PAK5: variants seen among roughly 807,000 people sequenced by gnomAD.
The protein encoded by PAK5 is p21 (RAC1) activated kinase 5.
PAK5 carries 16 observed loss-of-function variants against 65.9 expected under a neutral mutation model. The observed-to-expected ratio is 0.24, with a 90% CI of 0.16 to 0.37. The LOEUF is 0.37. Ranked by LOEUF, PAK5 falls within the 10% of genes least tolerant of loss-of-function variation. PAK5 has a pLI of 1.00. For missense variants in PAK5, 785 were observed against 903.9 expected, an observed-to-expected ratio of 0.87 and a Z score of 1.69; for synonymous variants, 371 against 354.9, an observed-to-expected ratio of 1.05 and a Z score of -0.51.
intron 2 of PAK5, among the ~76,000 whole-genome samples, chr20:9,678,096 T>C (rs1462478757): frequency 6.6e-6 from 1 of 152,242 alleles, no homozygotes; most frequent in Non-Finnish European, 1.5e-5. Flanking sequence ...CTTCTCTATG[T>C]TTCTGCTCTA....
chr20:9,721,385 C>T (rs1030967163), intron 1 of PAK5, among the ~76,000 whole-genome samples: 1 of 152,006 alleles, frequency 6.6e-6, no homozygotes, highest in Admixed American at 6.6e-5. Context: ...TGGTGGCTCA[C>T]GCCTGTAATT....
intron 7 of PAK5, among the ~76,000 whole-genome samples, chr20:9,554,839 C>G (rs1033940728): frequency 6.6e-6 from 1 of 152,134 alleles, no homozygotes; most frequent in African/African-American, 2.4e-5. Flanking sequence ...ACAAGATCCA[C>G]TCAATATGCT....
intron 3 of PAK5, among the ~76,000 whole-genome samples, chr20:9,592,161 G>A (rs1250056044): frequency 6.6e-6 from 1 of 152,170 alleles, no homozygotes; most frequent in Non-Finnish European, 1.5e-5. Context: ...AAGATGGAGA[G>A]AATAGACTCT....
At chr20:9,652,575 T>A (rs976303438) in intron 2 of PAK5, among the ~76,000 whole-genome samples, 1 of 152,226 alleles carries the variant, frequency 6.6e-6, no homozygotes, top group African/African-American at 2.4e-5. Flanking sequence ...CAGGAGAAAC[T>A]GTATCAAAGC....
intron 3 of PAK5, among the ~76,000 whole-genome samples, chr20:9,633,356 A>G (rs1036377025): frequency 6.6e-6 from 1 of 152,152 alleles, no homozygotes; most frequent in Non-Finnish European, 1.5e-5. Context: ...TTTTTGAGAC[A>G]GGGTGTCACT....
At chr20:9,799,851 G>A (rs2049147402) in intron 1 of PAK5, among the ~76,000 whole-genome samples, 2 of 146,630 alleles carry the variant, frequency 1.4e-5, no homozygotes, top group African/African-American at 5.0e-5. Flanking sequence ...TGAGGTGGGA[G>A]GATTGCTTGA....
intron 1 of PAK5, among the ~76,000 whole-genome samples, chr20:9,725,666 C>A (rs1414714698): frequency 6.6e-6 from 1 of 152,010 alleles, no homozygotes; most frequent in East Asian, 1.9e-4. Flanking sequence ...TAAATTCTTA[C>A]AGATTTGACA....
At chr20:9,591,237 A>T (rs2046165256) in intron 3 of PAK5, among the ~76,000 whole-genome samples, 1 of 152,152 alleles carries the variant, frequency 6.6e-6, no homozygotes, top group South Asian at 2.1e-4. Context: ...CTCAGCTAGC[A>T]GGTGGGAGGT....
intron 1 of PAK5, among the ~76,000 whole-genome samples, chr20:9,721,099 C>T (rs2048207534): frequency 6.6e-6 from 1 of 152,140 alleles, no homozygotes; most frequent in Non-Finnish European, 1.5e-5. Context: ...TTAATTGTTT[C>T]ATAAATTTTA....
chr20:9,737,372 A>G (rs1403102027), intron 1 of PAK5, among the ~76,000 whole-genome samples: 4 of 152,194 alleles, frequency 2.6e-5, no homozygotes, highest in African/African-American at 9.6e-5. Context: ...TAAAACATAG[A>G]TTTCAGAGCA....
At chr20:9,712,352 G>T (rs1189538779) in intron 1 of PAK5, among the ~76,000 whole-genome samples, 3 of 152,110 alleles carry the variant, frequency 2.0e-5, no homozygotes, top group African/African-American at 7.2e-5. Flanking sequence ...AAATATTATA[G>T]ATAGGGTAGA....
In PAK5 at chr20:9,720,379, A is replaced by ATATC. The variant is rs2048200096; in HGVS notation, c.-161-8948_-161-8945dup. On this transcript the variant is annotated intron_variant, in intron 1 of 9. Coordinates refer to ENST00000353224, the MANE Select transcript of PAK5 (RefSeq NM_177990.4). ...TTACAAGTGTTGCAGATGCCTGGAA[A>ATATC]TATCATGTATACTTTGAATGCACAG... Among the ~76,000 whole-genome samples the ATATC allele has an allele frequency of 6.6e-5, 10 of 152,364 alleles. No individual in the cohort carries two copies. The South Asian group carries it at 2.1e-3, about 32-fold the overall frequency.
At chr20:9,833,614 AC>A (rs1978913645) in intron 1 of PAK5, among the ~76,000 whole-genome samples, 1 of 151,596 alleles carries the variant, frequency 6.6e-6, no homozygotes, top group South Asian at 2.1e-4. Flanking sequence ...CCCCACCACC[AC>A]TACTATTCTT....
intron 1 of PAK5, among the ~76,000 whole-genome samples, chr20:9,736,026 C>A (rs1044367018): frequency 6.6e-6 from 1 of 151,668 alleles, no homozygotes. Context: ...CTCAGCCTCC[C>A]GAGTAGCTGG....
chr20:9,762,509 T>C (rs2048711155), intron 1 of PAK5, among the ~76,000 whole-genome samples: 1 of 152,018 alleles, frequency 6.6e-6, no homozygotes, highest in Admixed American at 6.6e-5. Context: ...GCCAACTATA[T>C]TAAAAGGCAC....
At chr20:9,668,178 A>G (rs2423400) in intron 2 of PAK5, among the ~76,000 whole-genome samples, 11,967 of 152,236 alleles carry the variant, frequency 0.079, 562 homozygotes, top group African/African-American at 0.12. Context: ...CTCTCATACA[A>G]CCTAAGACAA....
intron 7 of PAK5, among the ~76,000 whole-genome samples, chr20:9,556,368 A>C (rs1445767886): frequency 6.6e-6 from 1 of 152,218 alleles, no homozygotes; most frequent in African/African-American, 2.4e-5. Context: ...TAATATTTAC[A>C]ATCTTTTTAA....
chr20:9,703,307 T>C (rs1031906200), intron 2 of PAK5, among the ~76,000 whole-genome samples: 4 of 152,188 alleles, frequency 2.6e-5, no homozygotes, highest in Non-Finnish European at 5.9e-5. Flanking sequence ...GTATGGTGAA[T>C]GTACCTGATA....
intron 1 of PAK5, among the ~76,000 whole-genome samples, chr20:9,723,696 TAAGAA>T (rs2048243213): frequency 6.6e-6 from 1 of 152,010 alleles, no homozygotes; most frequent in Non-Finnish European, 1.5e-5. Context: ...ATGAGACACA[TAAGAA>T]GAGAAGCCAT....
Sources: gnomAD v4.1 joint callset for allele counts (sites outside exome capture counted in the v4.1 genomes callset) on GRCh38, gnomAD v4.1.1 for gene constraint, MANE v1.5 for transcripts, NCBI Gene and HGNC (gene_info 2026-07-23, HGNC 2026-07-21) for gene names.